Variants in COL25A1 observed in about 807,000 individuals in gnomAD.
COL25A1 encodes collagen alpha-1(XXV) chain.
COL25A1 carries 103 observed loss-of-function variants against 128.4 expected under a neutral mutation model. The observed-to-expected ratio is 0.80, with a 90% CI of 0.68 to 0.94. The LOEUF is 0.94. Among genes scored for constraint, COL25A1 ranks in the 40% least tolerant of loss-of-function variants. COL25A1 has a pLI of 0.00. For missense variants in COL25A1, 745 were observed against 840.0 expected (o/e 0.89, Z 1.40); for synonymous variants, 279 against 277.2 (o/e 1.01, Z -0.06).
At chr4:109,189,271 G>A (rs765261085) in intron 3 of COL25A1, among the ~76,000 whole-genome samples, 33 of 151,966 alleles carry the variant, frequency 2.2e-4, no homozygotes, top group Non-Finnish European at 4.3e-4. Context: ...TGGCTGGGTG[G>A]GCATGGTGGC....
chr4:108,918,146 A>G, intron 13 of COL25A1, 26 bp downstream of exon 13: 1 of 1,478,752 alleles, frequency 6.8e-7, no homozygotes, highest in Non-Finnish European at 9.2e-7. Context: ...AATTATTTTT[A>G]AAATACAATA....
intron 3 of COL25A1, among the ~76,000 whole-genome samples, chr4:109,197,434 TTATATATTA>T (rs3041328): frequency 2.3e-4 from 29 of 123,862 alleles, no homozygotes; most frequent in Non-Finnish European, 3.5e-4. Flanking sequence ...TATATAAATA[TTATATATTA>T]TATATATTAT....
At chr4:108,896,831 C>T (rs1742212050) in intron 15 of COL25A1, 120 bp from the exon 16 acceptor site, 3 of 826,404 alleles carry the variant, frequency 3.6e-6, no homozygotes, top group South Asian at 1.5e-5. Context: ...TGCAAATGCT[C>T]TATAGAGCTA....
At chr4:109,107,437 T>C (rs1228758661) in intron 3 of COL25A1, among the ~76,000 whole-genome samples, 2 of 152,226 alleles carry the variant, frequency 1.3e-5, no homozygotes, top group South Asian at 4.1e-4. Flanking sequence ...TAATATGTAT[T>C]ATAGATGTTT....
intron 3 of COL25A1, among the ~76,000 whole-genome samples, chr4:109,211,290 C>CCATATA (rs1491270826): frequency 9.8e-6 from 1 of 102,528 alleles, no homozygotes; most frequent in African/African-American, 2.8e-5. Context: ...ATATATGAAA[C>CCATATA]TATATATATA....
chr4:109,295,536 C>T (rs1724891096), intron 3 of COL25A1, among the ~76,000 whole-genome samples: 1 of 151,800 alleles, frequency 6.6e-6, no homozygotes, highest in Non-Finnish European at 1.5e-5. Flanking sequence ...CATTATTATC[C>T]CCTTACTTGA....
intron 3 of COL25A1, among the ~76,000 whole-genome samples, chr4:109,074,156 T>C (rs13122404): frequency 0.36 from 54,674 of 152,074 alleles, 11,870 homozygotes; most frequent in Non-Finnish European, 0.51. Context: ...TTCCCGCTCC[T>C]ATAAGAATCT....
In COL25A1 at chr4:109,202,375, T is replaced by G. The variant is rs1424695883; in HGVS notation, c.367+98208A>C. ...CAATGGAGAATGTTTTTTCAACAAA[T>G]AGTGCTGGCATGACTGGATATCCAT... On this transcript the variant is annotated intron_variant, in intron 3 of 37. Transcript: ENST00000399132. Among the ~76,000 whole-genome samples the G allele has an allele frequency of 4.0e-5, 6 of 151,054 alleles. No individual in the cohort carries two copies. In the East Asian group the frequency reaches 7.8e-4, roughly 20 times the overall value.
chr4:109,027,405 G>GT (rs1248234263), intron 5 of COL25A1, among the ~76,000 whole-genome samples: 1 of 151,706 alleles, frequency 6.6e-6, no homozygotes, highest in Non-Finnish European at 1.5e-5. Context: ...AGGAAAAAGA[G>GT]TAAGGAGGAA....
intron 3 of COL25A1, among the ~76,000 whole-genome samples, chr4:109,099,302 T>C (rs925899509): frequency 6.6e-6 from 1 of 152,204 alleles, no homozygotes; most frequent in African/African-American, 2.4e-5. Context: ...ATAAAAGTTT[T>C]GTTAAACTGA....
chr4:109,117,099 CAAT>C (rs201300278), intron 3 of COL25A1, among the ~76,000 whole-genome samples: 3,101 of 151,870 alleles, frequency 0.02, 95 homozygotes, highest in South Asian at 0.12. Flanking sequence ...ATATTTGTAA[CAAT>C]GATGACTGAG....
At chr4:109,003,409 T>C (rs1254751340) in intron 6 of COL25A1, among the ~76,000 whole-genome samples, 2 of 152,282 alleles carry the variant, frequency 1.3e-5, no homozygotes, top group Non-Finnish European at 2.9e-5. Flanking sequence ...GAGTAGTTAA[T>C]TGAATTATGT....
intron 3 of COL25A1, among the ~76,000 whole-genome samples, chr4:109,182,365 T>C (rs1244727887): frequency 2.0e-5 from 3 of 152,144 alleles, no homozygotes; most frequent in African/African-American, 7.2e-5. Context: ...TTGTTTTCAA[T>C]TGTGTAAAGA....
intron 3 of COL25A1, among the ~76,000 whole-genome samples, chr4:109,299,159 T>C (rs184083198): frequency 2.0e-5 from 3 of 152,182 alleles, no homozygotes; most frequent in Non-Finnish European, 2.9e-5. Context: ...AGTAAGAATA[T>C]TGTATACAAA....
intron 3 of COL25A1, among the ~76,000 whole-genome samples, chr4:109,209,496 C>T (rs572230562): frequency 1.3e-5 from 2 of 152,228 alleles, no homozygotes; most frequent in South Asian, 2.1e-4. Flanking sequence ...CCAATCAACT[C>T]TATTTCTTTC....
intron 8 of COL25A1, among the ~76,000 whole-genome samples, chr4:108,963,661 T>G (rs1327189326): frequency 6.6e-6 from 1 of 152,052 alleles, no homozygotes; most frequent in Non-Finnish European, 1.5e-5. Flanking sequence ...AATAAAACCT[T>G]CCGTATAGTT....
At chr4:108,851,942 T>A (rs13133674) in intron 26 of COL25A1, among the ~76,000 whole-genome samples, 1 of 152,142 alleles carries the variant, frequency 6.6e-6, no homozygotes, top group Non-Finnish European at 1.5e-5. Flanking sequence ...ACATTTAGTG[T>A]TTTTTACATT....
chr4:108,988,876 G>A (rs906676433), intron 6 of COL25A1, among the ~76,000 whole-genome samples: 3 of 152,172 alleles, frequency 2.0e-5, no homozygotes, highest in Admixed American at 6.5e-5. Flanking sequence ...GGACCTTTCC[G>A]TCTTCTGCAA....
chr4:109,278,604 G>C (rs1723071234), intron 3 of COL25A1, among the ~76,000 whole-genome samples: 1 of 152,118 alleles, frequency 6.6e-6, no homozygotes, highest in African/African-American at 2.4e-5. Context: ...TGAGTACTTA[G>C]GCCTGGCTAA....
Sources: gnomAD v4.1 joint callset for allele counts (sites outside exome capture counted in the v4.1 genomes callset) on GRCh38, gnomAD v4.1.1 for gene constraint, MANE v1.5 for transcripts, NCBI Gene and HGNC (gene_info 2026-07-23, HGNC 2026-07-21) for gene names.